Variants in ZNF778 observed in about 807,000 individuals in gnomAD.
The protein encoded by ZNF778 is zinc finger protein 778.
A neutral mutation model predicts 23.9 loss-of-function variants in ZNF778; 37 were observed. The observed-to-expected ratio is 1.54, with a 90% CI of 1.19 to 2.03. The LOEUF is 2.03. Among genes scored for constraint, ZNF778 ranks in the 30% most tolerant of loss-of-function variants. ZNF778 has a pLI of 0.00. For synonymous variants in ZNF778, 483 were observed against 343.9 expected (o/e 1.40, Z -4.48); for missense variants, 1,297 against 934.4 (o/e 1.39, Z -5.06).
Position 89,227,239 on chromosome 16 carries a change from C to T in ZNF778, c.951C>T (p.Ala317=). ...GTGAATTGGAAGAATGTGGAAAAGC[C>T]TCCCCTGTTTCTTCCAGCCTAACTC... The part of the protein sequence containing the change: ...KPCELEECGK[A]SPVSSSLTQH... Residue 317 remains alanine (A), a synonymous_variant, in exon 7 of 7, where the codon GCC becomes GCT. Transcript: ENST00000433976. The T allele has an allele frequency of 2.5e-6, 4 of 1,613,486 alleles. No homozygotes were observed. Among genetic ancestry groups the T allele is most frequent in the Non-Finnish European group, 2.5e-6 (3 of 1,179,486 alleles).
Position 89,230,265 on chromosome 16 carries a change from C to T in ZNF778, c.*1703C>T, listed in dbSNP as rs1567511410. ...TCTGTACCCTGAGATGCCCCCGTTT[C>T]ATGGCCGTGGAGGGAGAACCACCAC... On this transcript the variant is annotated 3_prime_UTR_variant, in exon 7 of 7. Transcript: ENST00000433976. 1 of 180,754 alleles carries T rather than the reference C, an allele frequency of 5.5e-6. No homozygotes were observed. The highest frequency in any genetic ancestry group is 1.1e-5 in the Non-Finnish European group (1 of 94,134). 11.2% of individuals were successfully genotyped at this position (180,754 alleles called of 1,614,324 possible).
At position 89,229,377 on chromosome 16, in the gene ZNF778, G is replaced by T; in HGVS notation, c.*815G>T. 1.0e-6 allele frequency: 1 copy of T among 985,050 alleles called. No individual in the cohort carries two copies. Among genetic ancestry groups the T allele is most frequent in the Non-Finnish European group, 1.2e-6 (1 of 829,944 alleles). The allele number at this position is 985,050 out of a possible 1,614,324, so 61.0% of individuals were successfully genotyped here. A position where few individuals can be genotyped will look rare whatever the true frequency, so the allele number is the denominator to read the frequency against. On this transcript the variant is annotated 3_prime_UTR_variant, in exon 7 of 7. Coordinates refer to ENST00000433976, the MANE Select transcript of ZNF778 (RefSeq NM_001201407.2). ...ATCTTGTGTGAGCACTGTAGGCTCT[G>T]GTTGGTTAGTCTTGAGGATCCAGAT...
At chr16:89,225,373 T>G (rs2031380856) in intron 5 of ZNF778, among the ~76,000 whole-genome samples, 182 bp from the exon 6 acceptor site, 1 of 152,136 alleles carries the variant, frequency 6.6e-6, no homozygotes, top group Non-Finnish European at 1.5e-5. Flanking sequence ...ATTTCTTCTT[T>G]ATGGACCAAA....
rs1024813313 is a variant in ZNF778 at position 89,236,801 on chromosome 16, G to T, written c.*8239G>T. The stretch of plus-strand genomic sequence containing the variant: ...CTAAAGAAGTGTACAGCTGGGTGTG[G>T]TGGCTCACGCCTGTAATCCCACCAC... On this transcript the variant is annotated 3_prime_UTR_variant, in exon 7 of 7. Coordinates refer to ENST00000433976, the MANE Select transcript of ZNF778 (RefSeq NM_001201407.2). The T allele has an allele frequency of 6.6e-6, 1 of 152,236 alleles. No individual in the cohort carries two copies. The highest frequency in any genetic ancestry group is 1.5e-5 in the Non-Finnish European group (1 of 68,062). The allele number at this position is 152,236 out of a possible 1,614,324, so 9.4% of individuals were successfully genotyped here. A position where few individuals can be genotyped will look rare whatever the true frequency, so the allele number is the denominator to read the frequency against.
intron 1 of ZNF778, among the ~76,000 whole-genome samples, chr16:89,219,354 C>T (rs1308836921): frequency 1.3e-5 from 2 of 152,154 alleles, no homozygotes; most frequent in East Asian, 3.8e-4. Context: ...TTTCTTGCTG[C>T]TTCCTATGAA....
At chr16:89,226,452 G>A (rs566533556) in intron 6 of ZNF778, among the ~76,000 whole-genome samples, 199 of 152,198 alleles carry the variant, frequency 1.3e-3, no homozygotes, top group Non-Finnish European at 2.2e-3. Flanking sequence ...TGATCTGCCC[G>A]CCTCGGCCTC....
At chr16:89,226,196 C>T (rs1597357938) in intron 6 of ZNF778, among the ~76,000 whole-genome samples, 1 of 151,760 alleles carries the variant, frequency 6.6e-6, no homozygotes, top group Non-Finnish European at 1.5e-5. Flanking sequence ...AGGCGTGAGC[C>T]ACTGTGCCTG....
chr16:89,223,063 A>G (rs2031122609), intron 3 of ZNF778, 94 bp from the exon 4 acceptor site: 1 of 1,454,822 alleles, frequency 6.9e-7, no homozygotes, highest in South Asian at 1.4e-5. Flanking sequence ...AGGAGGCCTC[A>G]CAGTCCCATA....
At position 89,230,774 on chromosome 16, in the gene ZNF778, C is replaced by A. The variant is rs2031879029; in HGVS notation, c.*2212C>A. ...GGTGACTGTTTCTGTGGTGTTGAAT[C>A]CCCACGGTATAAAGGTAATCTACAA... On this transcript the variant is annotated 3_prime_UTR_variant, in exon 7 of 7. Coordinates refer to ENST00000433976, the MANE Select transcript of ZNF778 (RefSeq NM_001201407.2). 1 of 152,236 alleles carries A rather than the reference C, an allele frequency of 6.6e-6. No homozygotes were observed. The highest frequency in any genetic ancestry group is 1.5e-5 in the Non-Finnish European group (1 of 68,068). The allele number at this position is 152,236 out of a possible 1,614,324, so 9.4% of individuals were successfully genotyped here. A position where few individuals can be genotyped will look rare whatever the true frequency, so the allele number is the denominator to read the frequency against.
Position 89,221,024 on chromosome 16 carries a change from C to A in ZNF778, c.-104C>A, listed in dbSNP as rs1021345058. 3 of 1,299,052 alleles carry A rather than the reference C, an allele frequency of 2.3e-6. No homozygotes were observed. Among genetic ancestry groups the A allele is most frequent in the Non-Finnish European group, 3.2e-6 (3 of 926,124 alleles). The allele number at this position is 1,299,052 out of a possible 1,614,324, so 80.5% of individuals were successfully genotyped here. ...AATAGGGATCCAGCCATCCGTGGGT[C>A]AGGAGGAATGGAGACTGTACCTTCC... On this transcript the variant is annotated 5_prime_UTR_variant, in exon 2 of 7. Coordinates refer to ENST00000433976, the MANE Select transcript of ZNF778 (RefSeq NM_001201407.2).
In ZNF778 at chr16:89,232,944, A is replaced by G. The variant is rs1048465882; in HGVS notation, c.*4382A>G. On this transcript the variant is annotated 3_prime_UTR_variant, in exon 7 of 7. Coordinates refer to ENST00000433976, the MANE Select transcript of ZNF778 (RefSeq NM_001201407.2). ...GCGTATGCGAATCCACTCACTGCCTATGCAACTCAGCTCGCTCTGCGTATG... is the reference window on the plus strand; with the variant it reads ...GCGTATGCGAATCCACTCACTGCCTGTGCAACTCAGCTCGCTCTGCGTATG... The G allele has an allele frequency of 1.2e-5, 15 of 1,249,526 alleles. No homozygotes were observed. The highest frequency in any genetic ancestry group is 2.2e-4 in the Middle Eastern group (1 of 4,602). The allele number at this position is 1,249,526 out of a possible 1,614,324, so 77.4% of individuals were successfully genotyped here. A position where few individuals can be genotyped will look rare whatever the true frequency, so the allele number is the denominator to read the frequency against.
At chr16:89,223,368 G>C in intron 4 of ZNF778, 85 bp downstream of exon 4, 3 of 1,569,374 alleles carry the variant, frequency 1.9e-6, no homozygotes, top group Non-Finnish European at 2.6e-6. Context: ...TGACGGCAAA[G>C]CCGAGTACCA....
Position 89,235,019 on chromosome 16 carries a change from TG to T in ZNF778, c.*6458del, listed in dbSNP as rs1166723671. 6.6e-6 allele frequency: 1 copy of T among 152,246 alleles called. No homozygotes were observed. The highest frequency in any genetic ancestry group is 2.4e-5 in the African/African-American group (1 of 41,460). 9.4% of individuals were successfully genotyped at this position (152,246 alleles called of 1,614,324 possible). On this transcript the variant is annotated 3_prime_UTR_variant, in exon 7 of 7. Transcript: ENST00000433976. ...TTTTCTCCTAAGGCCTTAAATATGC[TG>T]TACTATTTTGGCTTCCACAGTTTCT...
intron 2 of ZNF778, 73 bp downstream of exon 2, chr16:89,221,225 T>C (rs2030908834): frequency 2.0e-6 from 3 of 1,475,492 alleles, no homozygotes; most frequent in East Asian, 2.5e-5. Flanking sequence ...ATCAGGCCCA[T>C]GGACGGGGCC....
rs1207983554 is a variant in ZNF778, at chr16:89,222,993, CAG to C, written c.118-163_118-162del. On this transcript the variant is annotated intron_variant, in intron 3 of 6. Coordinates refer to ENST00000433976, the MANE Select transcript of ZNF778 (RefSeq NM_001201407.2). ...GGTGCGCGTGACTGGAGGAGAGCGA[CAG>C]GGCGTGTGTGCGGGCAGAGAAGGGT... Among the ~76,000 whole-genome samples the C allele has an allele frequency of 5.3e-5, 8 of 152,182 alleles. No homozygotes were observed. The East Asian group carries it at 9.7e-4, about 18-fold the overall frequency.
Position 89,228,320 on chromosome 16 carries a change from T to C in ZNF778, c.2032T>C (p.Cys678Arg). ...AGAGAAACCTTACATATGTAACGAG[T>C]GTGGGAAAGCCTTCCGTGCCTCCTC... ...TGEKPYICNE[C>R]GKAFRASSHL... Residue 678 changes from cysteine to arginine, a missense_variant, in exon 7 of 7, where the codon TGT (cysteine) becomes CGT (arginine). Transcript: ENST00000433976. The C allele has an allele frequency of 6.2e-7, 1 of 1,613,694 alleles. No individual in the cohort carries two copies. The highest frequency in any genetic ancestry group is 1.1e-5 in the South Asian group (1 of 91,058).
Position 89,234,805 on chromosome 16 carries a change from C to G in ZNF778, c.*6243C>G, listed in dbSNP as rs1207430409. 1 of 152,232 alleles carries G rather than the reference C, an allele frequency of 6.6e-6. No individual in the cohort carries two copies. Among genetic ancestry groups the G allele is most frequent in the Non-Finnish European group, 1.5e-5 (1 of 68,130 alleles). 9.4% of individuals were successfully genotyped at this position (152,232 alleles called of 1,614,324 possible). ...GTGGTGCACGCCTGTAATCCCAGCT[C>G]CTTGGGAGGCTGAGGCAGGAGAATT... On this transcript the variant is annotated 3_prime_UTR_variant, in exon 7 of 7. Coordinates refer to ENST00000433976, the MANE Select transcript of ZNF778 (RefSeq NM_001201407.2).
chr16:89,222,779 TC>T lies in ZNF778; in HGVS notation c.118-377del, dbSNP rs1423120779. On this transcript the variant is annotated intron_variant, in intron 3 of 6. Transcript: ENST00000433976. ...TCCTCTCTGGGAACTTATTTCCACATCACGAGTTACCACTTGTTTGTAGTGT... is the reference window on the plus strand; with the variant it reads ...TCCTCTCTGGGAACTTATTTCCACATACGAGTTACCACTTGTTTGTAGTGT... 1.2e-4 allele frequency among the ~76,000 whole-genome samples: 18 copies of T among 152,364 alleles called. 1 individual carries two copies. In the East Asian group the frequency reaches 3.3e-3, roughly 28 times the overall value.
At chr16:89,226,077 A>C (rs1195933514) in intron 6 of ZNF778, among the ~76,000 whole-genome samples, 1 of 151,862 alleles carries the variant, frequency 6.6e-6, no homozygotes, top group Non-Finnish European at 1.5e-5. Flanking sequence ...ATGCCCAGCT[A>C]ATTTGTGTAT....
Sources: gnomAD v4.1 joint callset for allele counts (sites outside exome capture counted in the v4.1 genomes callset) on GRCh38, gnomAD v4.1.1 for gene constraint, MANE v1.5 for transcripts, NCBI Gene and HGNC (gene_info 2026-07-23, HGNC 2026-07-21) for gene names.